Variants in MYH10 observed in about 807,000 individuals in gnomAD.
MYH10 encodes myosin-10.
A neutral mutation model predicts 257.8 loss-of-function variants in MYH10; 55 were observed. That is an observed-to-expected ratio of 0.21 (90% CI 0.17 to 0.27). The LOEUF is 0.27. Among genes scored for constraint, MYH10 ranks in the 10% least tolerant of loss-of-function variants. MYH10 has a pLI of 1.00. For synonymous variants in MYH10, 854 were observed against 921.7 expected, an observed-to-expected ratio of 0.93 and a Z score of 1.33; for missense variants, 1,631 against 2,500.6, an observed-to-expected ratio of 0.65 and a Z score of 7.42.
chr17:8,593,897 GT>G (rs1478044566), intron 3 of MYH10, among the ~76,000 whole-genome samples: 1 of 152,146 alleles, frequency 6.6e-6, no homozygotes, highest in African/African-American at 2.4e-5. Context: ...AAGAACAGTG[GT>G]AGAAGACTCA....
intron 6 of MYH10, among the ~76,000 whole-genome samples, chr17:8,571,162 T>C (rs1270784854): frequency 1.4e-5 from 2 of 139,910 alleles, no homozygotes; most frequent in Admixed American, 1.6e-4. Context: ...CCAGACTATT[T>C]TTCCTGTAAA....
chr17:8,513,687 A>G lies in MYH10; in HGVS notation c.2614-18T>C. The G allele has an allele frequency of 9.0e-6, 14 of 1,554,606 alleles. No individual in the cohort carries two copies. The highest frequency in any genetic ancestry group is 5.9e-5 in the South Asian group (5 of 84,110). ...GGCTTCACCTATGACAAAATTAAGC[A>G]GTTTTTTTTTTTTTATCATTCCAGC... On this transcript the variant is annotated intron_variant, in intron 22 of 42. Coordinates refer to ENST00000360416, the MANE Select transcript of MYH10 (RefSeq NM_001256012.3).
intron 28 of MYH10, among the ~76,000 whole-genome samples, chr17:8,501,982 C>T (rs148925409): frequency 1.3e-5 from 2 of 152,294 alleles, no homozygotes; most frequent in East Asian, 1.9e-4. Context: ...TAAGCACGAG[C>T]TTGATGAAGA....
intron 17 of MYH10, among the ~76,000 whole-genome samples, chr17:8,522,862 C>T (rs1295194201): frequency 6.6e-6 from 1 of 152,096 alleles, no homozygotes; most frequent in Non-Finnish European, 1.5e-5. Context: ...TTTTCTTGAC[C>T]CTGGTACGTT....
Position 8,535,945 on chromosome 17 carries a change from G to C in MYH10, c.1606-14C>G. On this transcript the variant is annotated splice_polypyrimidine_tract_variant and intron_variant, in intron 14 of 42. Transcript: ENST00000360416. This position sits in a 1 kb window ranked among gnomAD's most constrained non-coding sequence, Gnocchi z 4.3. ...AGGAGGGTTCGCCTGATAATGACAG[G>C]CAATAAGAATTCACAAGTTTTGCAT... 1 of 1,605,352 alleles carries C rather than the reference G, an allele frequency of 6.2e-7. No individual in the cohort carries two copies. The highest frequency in any genetic ancestry group is 1.1e-5 in the South Asian group (1 of 90,058).
intron 13 of MYH10, among the ~76,000 whole-genome samples, chr17:8,542,954 G>GT (rs2082331971): frequency 6.6e-6 from 1 of 152,160 alleles, no homozygotes; most frequent in South Asian, 2.1e-4. Flanking sequence ...CCCTCATAAA[G>GT]TGAATTTAGG....
At chr17:8,554,264 G>A (rs890199714) in intron 7 of MYH10, 1 of 250,762 alleles carries the variant, frequency 4.0e-6, no homozygotes, top group Non-Finnish European at 7.7e-6. Context: ...AAAGAAAGTA[G>A]TGAGATCCCA....
At chr17:8,526,707 C>T (rs1028160710) in intron 17 of MYH10, among the ~76,000 whole-genome samples, 7 of 152,122 alleles carry the variant, frequency 4.6e-5, no homozygotes, top group South Asian at 2.1e-4. Flanking sequence ...GGAATGGCAT[C>T]GCTTGGTACC....
intron 1 of MYH10, among the ~76,000 whole-genome samples, chr17:8,627,078 C>A (rs2085711908): frequency 6.6e-6 from 1 of 152,010 alleles, no homozygotes; most frequent in African/African-American, 2.4e-5. Context: ...CAGTAGAACA[C>A]AAAAGTGTAA....
intron 35 of MYH10, among the ~76,000 whole-genome samples, chr17:8,489,733 A>ACACACACACACACACACACACACC: frequency 1.3e-5 from 2 of 151,600 alleles, no homozygotes; most frequent in African/African-American, 4.9e-5. Flanking sequence ...ACACACACAC[A>ACACACACACACACACACACACACC]CACACACACA....
intron 2 of MYH10, 141 bp downstream of exon 2, chr17:8,622,761 A>C (rs1411762622): frequency 3.8e-6 from 4 of 1,063,424 alleles, no homozygotes; most frequent in Non-Finnish European, 5.3e-6. Context: ...GCAAGCAACA[A>C]ATCTTTCTAT....
In MYH10 at chr17:8,535,508, C is replaced by T. The variant is rs200728458; in HGVS notation, c.1780-7G>A. On this transcript the variant is annotated splice_polypyrimidine_tract_variant and splice_region_variant and intron_variant, in intron 15 of 42. Coordinates refer to ENST00000360416, the MANE Select transcript of MYH10 (RefSeq NM_001256012.3). The surrounding 1 kb of genome is among the most constrained non-coding windows in gnomAD (Gnocchi z 4.3). ...CATCTGCCTTATAGTCCACCTATCC[C>T]GCACCAAAGCCAAAAGTGGTGAAAT... 11 of 1,594,726 alleles carry T rather than the reference C, an allele frequency of 6.9e-6. No individual in the cohort carries two copies. The highest frequency in any genetic ancestry group is 5.6e-5 in the South Asian group (5 of 88,532).
intron 4 of MYH10, among the ~76,000 whole-genome samples, chr17:8,578,946 A>C (rs960592579): frequency 2.9e-4 from 44 of 152,326 alleles, no homozygotes; most frequent in African/African-American, 1.0e-3. Context: ...TTGAAAATCT[A>C]ATTTTTCTAA....
In MYH10 at chr17:8,530,684, C is replaced by T. The variant is rs1353550213; in HGVS notation, c.1896G>A (p.Glu632=). The T allele has an allele frequency of 6.5e-7, 1 of 1,548,610 alleles. No homozygotes were observed. Among genetic ancestry groups the T allele is most frequent in the Non-Finnish European group, 8.7e-7 (1 of 1,146,208 alleles). The part of the protein sequence containing the change: ...DRFVAELWKD[E]IQNIQRASFY... The stretch of plus-strand genomic sequence containing the variant: ...AAGAAGCTCTCTGAATATTCTGAAT[C>T]TCTAAAGCAGAGAAACAGCAAAAAC... Residue 632 remains glutamate (E), a splice_region_variant and synonymous_variant, in exon 17 of 43, where the codon GAG becomes GAA. Coordinates refer to ENST00000360416, the MANE Select transcript of MYH10 (RefSeq NM_001256012.3).
At chr17:8,493,922 AT>A (rs767541276) in intron 31 of MYH10, 37 bp from the exon 32 acceptor site, 1 of 1,575,182 alleles carries the variant, frequency 6.3e-7, no homozygotes, top group Non-Finnish European at 8.6e-7. Flanking sequence ...CTTCCATTAC[AT>A]TTATCACCAA....
chr17:8,603,543 A>C (rs904201177), intron 3 of MYH10, among the ~76,000 whole-genome samples: 1 of 152,188 alleles, frequency 6.6e-6, no homozygotes, highest in African/African-American at 2.4e-5. Flanking sequence ...TTAAATGAGG[A>C]ACAATATGGG....
intron 9 of MYH10, 73 bp downstream of exon 9, chr17:8,551,973 T>A: frequency 1.2e-6 from 1 of 811,008 alleles, no homozygotes; most frequent in Non-Finnish European, 1.8e-6. Context: ...TTTCCCAAAA[T>A]TGTTTTTTCT....
intron 13 of MYH10, among the ~76,000 whole-genome samples, chr17:8,543,161 CCT>C (rs2082339376): frequency 6.6e-6 from 1 of 152,144 alleles, no homozygotes; most frequent in African/African-American, 2.4e-5. Flanking sequence ...CCATAAATAA[CCT>C]CTTTCATTAT....
At chr17:8,629,025 G>C (rs1174254288) in intron 1 of MYH10, among the ~76,000 whole-genome samples, 2 of 152,192 alleles carry the variant, frequency 1.3e-5, no homozygotes, top group East Asian at 3.9e-4. Flanking sequence ...GAAGTAAGGA[G>C]ATGCATAAAA....
Sources: gnomAD v4.1 joint callset for allele counts (sites outside exome capture counted in the v4.1 genomes callset) on GRCh38, gnomAD v4.1.1 for gene constraint, Gnocchi (gnomAD v3.1) non-coding constraint, MANE v1.5 for transcripts, NCBI Gene and HGNC (gene_info 2026-07-23, HGNC 2026-07-21) for gene names.